KDM4B: variants seen among roughly 807,000 people sequenced by gnomAD.
KDM4B encodes the protein lysine-specific demethylase 4B.
In KDM4B, 32 loss-of-function variants were observed where a neutral mutation model predicts 125.2. The ratio of observed to expected loss-of-function variants is 0.26; its 90% CI spans 0.19 to 0.34. The LOEUF is 0.34. Ranked by LOEUF, KDM4B falls within the 10% of genes least tolerant of loss-of-function variation. The probability of loss-of-function intolerance (pLI) is 1.00; values close to 1 mark genes in which losing one functional copy is unlikely to be tolerated. For missense variants in KDM4B, 1,190 were observed against 1,577.7 expected (o/e 0.75, Z 4.16); for synonymous variants, 721 against 677.9 (o/e 1.06, Z -0.99).
chr19:5,021,860 T>A (rs2036132178), intron 2 of KDM4B, among the ~76,000 whole-genome samples: 2 of 152,282 alleles, frequency 1.3e-5, no homozygotes, highest in Middle Eastern at 3.4e-3. Flanking sequence ...GGTCTTGATC[T>A]GTTGACCTCG....
chr19:5,106,398 G>A (rs1329411386), intron 9 of KDM4B, among the ~76,000 whole-genome samples: 8 of 152,156 alleles, frequency 5.3e-5, no homozygotes, highest in African/African-American at 1.2e-4. Context: ...AAAGATCCAC[G>A]TTGCACCCGT....
intron 21 of KDM4B, among the ~76,000 whole-genome samples, chr19:5,148,273 C>T (rs888270891): frequency 6.6e-6 from 1 of 152,220 alleles, no homozygotes; most frequent in African/African-American, 2.4e-5. Context: ...AAGCACGTTC[C>T]AGGGAGGCCA....
intron 11 of KDM4B, among the ~76,000 whole-genome samples, chr19:5,125,015 T>C (rs1400437663): frequency 1.3e-5 from 2 of 152,088 alleles, no homozygotes; most frequent in Admixed American, 6.6e-5. Flanking sequence ...TTCTCCCACC[T>C]CAGCCTCCTC....
At position 5,131,345 on chromosome 19, in the gene KDM4B, C is replaced by T; in HGVS notation, c.1585C>T (p.Leu529=). 1 of 1,612,248 alleles carries T rather than the reference C, an allele frequency of 6.2e-7. No individual in the cohort carries two copies. Among genetic ancestry groups the T allele is most frequent in the Non-Finnish European group, 8.5e-7 (1 of 1,179,858 alleles). ...CAAGCCTCGGCCCATCATCCCCATG[C>T]TGTACGTGGTGCCGCGGCCGGGCAA... ...EAKPRPIIPM[L]YVVPRPGKAA... is the part of the protein sequence containing the mutation. Residue 529 remains leucine, a synonymous_variant, in exon 12 of 23, where the codon CTG becomes TTG. Transcript: ENST00000159111.
At chr19:5,147,327 C>T (rs1018357002) in intron 21 of KDM4B, among the ~76,000 whole-genome samples, 15 of 152,222 alleles carry the variant, frequency 9.9e-5, no homozygotes, top group Non-Finnish European at 1.3e-4. Flanking sequence ...GAGGCGCTGA[C>T]GCAGCCCCCA....
intron 1 of KDM4B, among the ~76,000 whole-genome samples, chr19:4,975,143 C>T (rs1351991787): frequency 6.6e-6 from 1 of 152,146 alleles, no homozygotes; most frequent in African/African-American, 2.4e-5. Flanking sequence ...GTCTCATCTA[C>T]TAGGGCAGGG....
chr19:5,121,404 G>A (rs1007657276), intron 11 of KDM4B, among the ~76,000 whole-genome samples: 4 of 152,190 alleles, frequency 2.6e-5, no homozygotes, highest in Admixed American at 6.5e-5. Context: ...CACAGCTGTC[G>A]TGGCACTGTT....
chr19:5,064,825 C>T (rs144586186), intron 6 of KDM4B, among the ~76,000 whole-genome samples: 33 of 152,260 alleles, frequency 2.2e-4, no homozygotes, highest in African/African-American at 6.7e-4. Flanking sequence ...CTGGGGCAGC[C>T]GGCAGGTGTG....
intron 5 of KDM4B, among the ~76,000 whole-genome samples, chr19:5,043,877 G>A (rs1367045754): frequency 1.7e-5 from 2 of 117,410 alleles, no homozygotes; most frequent in African/African-American, 7.0e-5. Flanking sequence ...ACCTTATCCC[G>A]TGCTGTGTTT....
intron 3 of KDM4B, among the ~76,000 whole-genome samples, chr19:5,037,896 A>G (rs1016749118): frequency 1.3e-5 from 2 of 152,266 alleles, no homozygotes; most frequent in African/African-American, 4.8e-5. Context: ...CATGCCGGCC[A>G]CGGAGGCAGC....
chr19:5,077,893 AC>A (rs2145852034), intron 8 of KDM4B: 1 of 184,792 alleles, frequency 5.4e-6, no homozygotes, highest in South Asian at 1.1e-4. Context: ...AGTCTCAGGC[AC>A]CCCCACGGCC....
rs1340680742 is a variant in KDM4B, at chr19:5,078,356, A to G, written c.780+886A>G. On this transcript the variant is annotated intron_variant, in intron 8 of 22. Coordinates refer to ENST00000159111, the MANE Select transcript of KDM4B (RefSeq NM_015015.3). This position sits in a 1 kb window ranked among gnomAD's most constrained non-coding sequence, Gnocchi z 4.5. The stretch of plus-strand genomic sequence containing the variant: ...GGCCCTGAGTGTCAGCCAGCCGGAA[A>G]TTGCTTGTGACATTTCAATCAAACC... 4 of 152,190 alleles carry G rather than the reference A, an allele frequency of 2.6e-5. No individual in the cohort carries two copies. The highest frequency in any genetic ancestry group is 5.9e-5 in the Non-Finnish European group (4 of 68,052). The allele number at this position is 152,190 out of a possible 1,614,324, so 9.4% of individuals were successfully genotyped here.
In KDM4B at chr19:5,044,670, C is replaced by G. The variant is rs546953221; in HGVS notation, c.433-2806C>G. ...TCAAGCGATTCTCCTGCCTCAGCCT[C>G]CCGAGTAGCTGGGATTACAGTGTCA... is the stretch of plus-strand genomic sequence containing the variant. On this transcript the variant is annotated intron_variant, in intron 5 of 22. Transcript: ENST00000159111. Among the ~76,000 whole-genome samples, 4 of 152,252 alleles carry G rather than the reference C, an allele frequency of 2.6e-5. No homozygotes were observed. The South Asian group carries it at 8.3e-4, about 32-fold the overall frequency.
intron 6 of KDM4B, among the ~76,000 whole-genome samples, chr19:5,053,647 G>A (rs1034062640): frequency 5.9e-5 from 9 of 152,244 alleles, no homozygotes; most frequent in African/African-American, 2.2e-4. Flanking sequence ...CAGCTGTCTA[G>A]CCTGCATGAG....
chr19:5,094,557 C>T (rs1008094977), intron 9 of KDM4B, among the ~76,000 whole-genome samples: 1 of 143,832 alleles, frequency 7.0e-6, no homozygotes, highest in Non-Finnish European at 1.5e-5. Flanking sequence ...GGTCTGTGGG[C>T]GTGGGAAGAA....
chr19:4,988,224 G>A (rs1197819903), intron 1 of KDM4B, among the ~76,000 whole-genome samples: 1 of 152,238 alleles, frequency 6.6e-6, no homozygotes, highest in Admixed American at 6.5e-5. Context: ...GCCCCAGGCT[G>A]TGTCCTGAGC....
intron 1 of KDM4B, among the ~76,000 whole-genome samples, chr19:5,005,652 T>C (rs371236553): frequency 2.6e-5 from 4 of 152,268 alleles, no homozygotes; most frequent in East Asian, 3.9e-4. Flanking sequence ...TGAAACACCT[T>C]TTCTTTCTGC....
chr19:4,997,189 C>A lies in KDM4B; in HGVS notation c.-108-19068C>A, dbSNP rs1021512344. Among the ~76,000 whole-genome samples the A allele has an allele frequency of 4.6e-5, 7 of 152,232 alleles. No individual in the cohort carries two copies. The highest frequency in any genetic ancestry group is 1.7e-4 in the African/African-American group (7 of 41,458). On this transcript the variant is annotated intron_variant, in intron 1 of 22. Transcript: ENST00000159111. The surrounding 1 kb of genome is among the most constrained non-coding windows in gnomAD (Gnocchi z 4.2). ...CTGTTTTGGAATAACCCTTTCTGTACCCGGGCTATTACCACCCTATTGTGT... is the reference window on the plus strand; with the variant it reads ...CTGTTTTGGAATAACCCTTTCTGTAACCGGGCTATTACCACCCTATTGTGT...
chr19:5,062,566 T>C (rs1376392154), intron 6 of KDM4B, among the ~76,000 whole-genome samples: 1 of 152,202 alleles, frequency 6.6e-6, no homozygotes, highest in Non-Finnish European at 1.5e-5. Flanking sequence ...GAATTCCTGC[T>C]CCACCCTAGA....
Sources: allele counts gnomAD v4.1 joint callset (sites outside exome capture counted in the v4.1 genomes callset), GRCh38; gene constraint gnomAD v4.1.1; non-coding constraint Gnocchi (gnomAD v3.1); transcripts MANE v1.5; gene names NCBI Gene and HGNC (gene_info 2026-07-23, HGNC 2026-07-21).